The following SFI1 variants were observed in gnomAD, a reference collection of about 807,000 sequenced individuals.
SFI1 encodes the protein SFI1 centrin binding protein, also known as protein SFI1 homolog.
Under a neutral mutation model 207.5 loss-of-function variants are expected in SFI1, and 195 were observed. That is an observed-to-expected ratio of 0.94 (90% CI 0.84 to 1.06). The LOEUF (loss-of-function observed/expected upper bound fraction) is 1.06. SFI1 is among the 50% of genes least tolerant of loss of function. The pLI, the probability that SFI1 is intolerant of heterozygous loss-of-function variation, is 0.00. For missense variants in SFI1, 1,634 were observed against 1,588.0 expected (o/e 1.03, Z -0.49); for synonymous variants, 630 against 598.9 (o/e 1.05, Z -0.76).
At chr22:31,526,032 G>C (rs997767876) in intron 2 of SFI1, among the ~76,000 whole-genome samples, 2 of 152,090 alleles carry the variant, frequency 1.3e-5, no homozygotes, top group Non-Finnish European at 2.9e-5. Context: ...GTGCATTTTA[G>C]CATGTTCTTC....
chr22:31,568,498 C>CAGGG (rs1156402958), intron 8 of SFI1, among the ~76,000 whole-genome samples: 1 of 125,016 alleles, frequency 8.0e-6, no homozygotes, highest in African/African-American at 3.1e-5. Flanking sequence ...GCCAACTGCA[C>CAGGG]TTCAGCCTGG....
intron 6 of SFI1, among the ~76,000 whole-genome samples, chr22:31,554,328 A>G (rs532715282): frequency 6.6e-6 from 1 of 151,326 alleles, no homozygotes; most frequent in African/African-American, 2.4e-5. Context: ...TTAAATTTTG[A>G]GATGGAGTCT....
chr22:31,594,664 G>A (rs2066803431), intron 15 of SFI1, among the ~76,000 whole-genome samples: 1 of 151,596 alleles, frequency 6.6e-6, no homozygotes, highest in Admixed American at 6.6e-5. Context: ...GACCATCCTG[G>A]CTAACACGGA....
intron 14 of SFI1, among the ~76,000 whole-genome samples, chr22:31,588,499 T>C (rs1376299564): frequency 6.6e-6 from 1 of 152,108 alleles, no homozygotes; most frequent in African/African-American, 2.4e-5. Context: ...AGCAAATAAT[T>C]TGCAGCCATG....
chr22:31,604,163 G>T, intron 18 of SFI1, 146 bp from the exon 19 acceptor site: 1 of 649,396 alleles, frequency 1.5e-6, no homozygotes, highest in Non-Finnish European at 2.7e-6. Flanking sequence ...AATCATCACA[G>T]AACCCCTAAG....
At chr22:31,604,503 A>G in intron 19 of SFI1, 99 bp downstream of exon 19, 1 of 1,098,848 alleles carries the variant, frequency 9.1e-7, no homozygotes, top group Admixed American at 2.9e-5. Context: ...GTCCCAGAAC[A>G]GAGTCACGTG....
In SFI1 at chr22:31,523,919, A is replaced by C. The variant is rs187118829; in HGVS notation, c.93-4771A>C. On this transcript the variant is annotated intron_variant, in intron 2 of 32. Transcript: ENST00000400288. ...GATTTTTGTATTAAACCTAAGTTGC[A>C]ACAATAGCACACCATGGCAAGGACT... Among the ~76,000 whole-genome samples the C allele has an allele frequency of 3.3e-5, 5 of 152,138 alleles. No individual in the cohort carries two copies. In the East Asian group the frequency reaches 9.6e-4, roughly 29 times the overall value.
In SFI1 at chr22:31,575,342, A is replaced by C. The variant is rs1366176023; in HGVS notation, c.1034A>C (p.Lys345Thr). The stretch of plus-strand genomic sequence containing the variant: ...TACGCTCACCATGCCCAGGTGGAGA[A>C]ACTGGCCAGGAAGATGGCCCTGCGG... ...SLYAHHAQVE[K>T]LARKMALRRA... Residue 345 changes from lysine (K) to threonine (T), a missense_variant, in exon 10 of 33, where the codon AAA (lysine) becomes ACA (threonine). By Grantham distance (78) the Lys-to-Thr change is moderately conservative. Coordinates refer to ENST00000400288, the MANE Select transcript of SFI1 (RefSeq NM_001007467.3). The C allele has an allele frequency of 6.2e-7, 1 of 1,613,010 alleles. No individual in the cohort carries two copies. Among genetic ancestry groups the C allele is most frequent in the Non-Finnish European group, 8.5e-7 (1 of 1,179,640 alleles).
At chr22:31,546,836 A>G (rs2060136743) in intron 4 of SFI1, 25 bp from the exon 5 acceptor site, 2 of 1,424,566 alleles carry the variant, frequency 1.4e-6, no homozygotes, top group Non-Finnish European at 2.0e-6. Flanking sequence ...CATCATATAT[A>G]TATATGATTT....
At chr22:31,580,057 ATATT>A in intron 11 of SFI1, 1 of 489,882 alleles carries the variant, frequency 2.0e-6, no homozygotes, top group Non-Finnish European at 3.7e-6. Flanking sequence ...GGTTCAGCAA[ATATT>A]TATTAAGTGC....
At chr22:31,541,010 T>C (rs1291152506) in intron 4 of SFI1, among the ~76,000 whole-genome samples, 1 of 152,190 alleles carries the variant, frequency 6.6e-6, no homozygotes, top group Non-Finnish European at 1.5e-5. Context: ...CTCCTCTGGC[T>C]CGCCTCTCCG....
At chr22:31,584,088 G>A in intron 13 of SFI1, 116 bp downstream of exon 13, 1 of 871,894 alleles carries the variant, frequency 1.1e-6, no homozygotes, top group Non-Finnish European at 1.9e-6. Flanking sequence ...AGAAAGGCCT[G>A]CTGGGGTGGA....
In SFI1 at chr22:31,556,948, A is replaced by G; in HGVS notation, c.551A>G (p.Lys184Arg). 1 of 1,600,010 alleles carries G rather than the reference A, an allele frequency of 6.2e-7. No homozygotes were observed. The highest frequency in any genetic ancestry group is 1.1e-5 in the South Asian group (1 of 89,460). The change falls in exon 7 of 33, where the codon AAG (lysine) becomes AGG (arginine). Residue 184 changes from lysine to arginine, a missense_variant. Transcript: ENST00000400288. The part of the protein sequence containing the change: ...KYIRAEVHDA[K>R]QKMRQAWKSW... ...ATCTCTTTGGTGAATCTAGATGCAAAGCAAAAGATGCGACAGGCCTGGAAG... is the reference window on the plus strand; with the variant it reads ...ATCTCTTTGGTGAATCTAGATGCAAGGCAAAAGATGCGACAGGCCTGGAAG...
chr22:31,580,542 C>CTTTTTT (rs11347645), intron 12 of SFI1, among the ~76,000 whole-genome samples, 178 bp downstream of exon 12: 121 of 117,240 alleles, frequency 1.0e-3, no homozygotes, highest in Non-Finnish European at 1.6e-3. Flanking sequence ...CTTTTCTTTT[C>CTTTTTT]TTTTTTTTTT....
chr22:31,604,963 C>A lies in SFI1; in HGVS notation c.2054+18C>A. 6.3e-7 allele frequency: 1 copy of A among 1,576,638 alleles called. No individual in the cohort carries two copies. Reference sequence around the variant, plus strand: ...CTGCTGCGGTGAGTCTCCCGGGCGCCTCCCAAGCTCCAGCTGGGGAACAAG... The same window carrying A: ...CTGCTGCGGTGAGTCTCCCGGGCGCATCCCAAGCTCCAGCTGGGGAACAAG... On this transcript the variant is annotated intron_variant, in intron 20 of 32. Coordinates refer to ENST00000400288, the MANE Select transcript of SFI1 (RefSeq NM_001007467.3).
At position 31,550,110 on chromosome 22, in the gene SFI1, G is replaced by GTT. The variant is rs1736750999; in HGVS notation, c.450-143_450-142dup. On this transcript the variant is annotated intron_variant, in intron 5 of 32. Coordinates refer to ENST00000400288, the MANE Select transcript of SFI1 (RefSeq NM_001007467.3). ...CCACACCCGGCACACGGTATTTTTA[G>GTT]TTGAGATGGGGTTTCACCATATCGG... The GTT allele has an allele frequency of 5.3e-6, 3 of 561,798 alleles. No homozygotes were observed. The Admixed American group carries it at 9.5e-5, about 18-fold the overall frequency. 34.8% of individuals were successfully genotyped at this position (561,798 alleles called of 1,614,324 possible).
chr22:31,614,071 G>T, intron 27 of SFI1: 1 of 602,266 alleles, frequency 1.7e-6, no homozygotes, highest in South Asian at 3.2e-5. Flanking sequence ...TCTCTCCTTT[G>T]CCTGCCAAAG....
Position 31,613,867 on chromosome 22 carries a change from G to A in SFI1, c.2996+12G>A. On this transcript the variant is annotated intron_variant, in intron 27 of 32. Transcript: ENST00000400288. ...CACGCCCTGGAGCTGTGAGTAGCCT[G>A]TGCTCACCTTGTCCTCGCTTCCACC... is the stretch of plus-strand genomic sequence containing the variant. The A allele has an allele frequency of 5.1e-6, 8 of 1,582,794 alleles. No individual in the cohort carries two copies. Among genetic ancestry groups the A allele is most frequent in the African/African-American group, 1.4e-5 (1 of 74,054 alleles).
chr22:31,533,568 GAAAAAGAAACAAAAAA>G (rs1443159608), intron 4 of SFI1, among the ~76,000 whole-genome samples: 1 of 92,294 alleles, frequency 1.1e-5, no homozygotes, highest in Non-Finnish European at 2.6e-5. Context: ...CAGCTTCAAA[GAAAAAGAAACAAAAAA>G]AAAAAGAAAC....
Sources: gnomAD v4.1 joint callset for allele counts (sites outside exome capture counted in the v4.1 genomes callset) on GRCh38, gnomAD v4.1.1 for gene constraint, MANE v1.5 for transcripts, NCBI Gene and HGNC (gene_info 2026-07-23, HGNC 2026-07-21) for gene names.